LVRN: variants seen among roughly 807,000 people sequenced by gnomAD.
LVRN encodes the protein laeverin.
In LVRN, 99 loss-of-function variants were observed where a neutral mutation model predicts 111.4. The observed-to-expected ratio is 0.89, with a 90% CI of 0.76 to 1.05. The LOEUF is 1.05. Ranked by LOEUF, LVRN falls within the 50% of genes least tolerant of loss-of-function variation. The pLI, the probability that LVRN is intolerant of heterozygous loss-of-function variation, is 0.00. For synonymous variants in LVRN, 488 were observed against 449.5 expected (o/e 1.09, Z -1.08); for missense variants, 1,414 against 1,206.8 (o/e 1.17, Z -2.54).
rs367917243 is a variant in LVRN, at chr5:115,969,911, G to T, written c.695+6599G>T. 6.0e-5 allele frequency among the ~76,000 whole-genome samples: 9 copies of T among 151,168 alleles called. No individual in the cohort carries two copies. The East Asian group carries it at 1.2e-3, about 19-fold the overall frequency. On this transcript the variant is annotated intron_variant, in intron 1 of 19. Coordinates refer to ENST00000357872, the MANE Select transcript of LVRN (RefSeq NM_173800.5). ...ATTTTTAATATCCTTGAGCATATTA[G>T]ACATATTTATAATAGCTGTTTTAAT...
intron 19 of LVRN, among the ~76,000 whole-genome samples, chr5:116,023,862 C>T (rs115761837): frequency 1.3e-5 from 2 of 152,098 alleles, no homozygotes; most frequent in African/African-American, 4.8e-5. Flanking sequence ...AGAAAACAGG[C>T]AGTTTTTTGA....
chr5:116,015,679 T>C lies in LVRN; in HGVS notation c.2670T>C (p.Asn890=). ...STSPFTSNET[N]IIEVVASSEV... ...CTCCATTCACTTCTAATGAAACAAA[T>C]ATAATTGAGGTTGTGGCTTCATCTG... Residue 890 remains asparagine, a synonymous_variant, in exon 18 of 20, where the codon AAT becomes AAC. Transcript: ENST00000357872. The C allele has an allele frequency of 1.2e-6, 2 of 1,613,346 alleles. No homozygotes were observed. The highest frequency in any genetic ancestry group is 1.1e-5 in the South Asian group (1 of 90,930).
chr5:116,012,401 A>G lies in LVRN; in HGVS notation c.2275A>G (p.Ile759Val), dbSNP rs144912058. The change falls in exon 15 of 20, where the codon ATA becomes GTA. Residue 759 changes from isoleucine to valine, a missense_variant. Physicochemically the swap from Ile to Val is conservative, Grantham distance 29 (BLOSUM62 3). Coordinates refer to ENST00000357872, the MANE Select transcript of LVRN (RefSeq NM_173800.5). ...KRYLLKRLNL[I>V]WNIYSTIIRE... Reference sequence around the variant, plus strand: ...GTACCTATTAAAGAGACTTAATTTAATATGGAATATTTATTCAACTATAAT... The same window carrying G: ...GTACCTATTAAAGAGACTTAATTTAGTATGGAATATTTATTCAACTATAAT... 3.9e-6 allele frequency: 6 copies of G among 1,523,916 alleles called. No homozygotes were observed. The African/African-American group carries it at 8.3e-5, about 21-fold the overall frequency. The allele number at this position is 1,523,916 out of a possible 1,614,324, so 94.4% of individuals were successfully genotyped here.
chr5:115,997,394 T>G (rs961754485), intron 6 of LVRN, among the ~76,000 whole-genome samples: 2 of 152,218 alleles, frequency 1.3e-5, no homozygotes, highest in Non-Finnish European at 2.9e-5. Flanking sequence ...CTATGTGTGG[T>G]GGCTCATGCC....
At chr5:115,991,132 A>T (rs1181287838) in intron 4 of LVRN, among the ~76,000 whole-genome samples, 2 of 152,136 alleles carry the variant, frequency 1.3e-5, no homozygotes, top group African/African-American at 4.8e-5. Context: ...AATGACCAGT[A>T]TTGACAATTA....
At chr5:115,970,187 A>G (rs1016826200) in intron 1 of LVRN, among the ~76,000 whole-genome samples, 4 of 152,184 alleles carry the variant, frequency 2.6e-5, no homozygotes, top group Admixed American at 2.0e-4. Flanking sequence ...AAACATATTC[A>G]TCACATCCAA....
chr5:116,007,791 C>T (rs766559819), intron 13 of LVRN, among the ~76,000 whole-genome samples: 18 of 152,218 alleles, frequency 1.2e-4, no homozygotes, highest in Non-Finnish European at 2.2e-4. Flanking sequence ...GCAGCATGTG[C>T]TCATGTTATG....
At chr5:116,002,148 G>A (rs1464475801) in intron 10 of LVRN, among the ~76,000 whole-genome samples, 3 of 152,206 alleles carry the variant, frequency 2.0e-5, no homozygotes, top group African/African-American at 2.4e-5. Flanking sequence ...TGGTTTTTGA[G>A]AAGACCTGTG....
chr5:116,007,486 T>C (rs1748399110), intron 13 of LVRN, among the ~76,000 whole-genome samples: 1 of 152,232 alleles, frequency 6.6e-6, no homozygotes. Context: ...TTCTCCTCCA[T>C]GAAGCCTTCC....
chr5:115,969,792 T>G (rs1170709964), intron 1 of LVRN, among the ~76,000 whole-genome samples: 1 of 108,154 alleles, frequency 9.2e-6, no homozygotes, highest in Non-Finnish European at 1.9e-5. Flanking sequence ...AGAGCGAGAC[T>G]CGATCTCAAA....
chr5:115,963,109 G>T lies in LVRN; in HGVS notation c.492G>T (p.Pro164=). 1 of 1,613,580 alleles carries T rather than the reference G, an allele frequency of 6.2e-7. No homozygotes were observed. Among genetic ancestry groups the T allele is most frequent in the South Asian group, 1.1e-5 (1 of 91,076 alleles). Residue 164 remains proline (P), a synonymous_variant, in exon 1 of 20, where the codon CCG becomes CCT. Coordinates refer to ENST00000357872, the MANE Select transcript of LVRN (RefSeq NM_173800.5). ...ERAEVRGPLS[P]GTGNATVGRV... is the part of the protein sequence containing the mutation. ...CCGAGGTGCGGGGACCCCTTTCCCC[G>T]GGCACTGGGAACGCCACAGTGGGCC...
chr5:116,009,388 C>T (rs1476782930), intron 13 of LVRN, among the ~76,000 whole-genome samples: 3 of 152,148 alleles, frequency 2.0e-5, no homozygotes, highest in Non-Finnish European at 4.4e-5. Flanking sequence ...AATATCAATT[C>T]TTCAGCCCAG....
intron 16 of LVRN, 77 bp downstream of exon 16, chr5:116,014,604 G>A: frequency 1.8e-6 from 2 of 1,121,770 alleles, no homozygotes; most frequent in Non-Finnish European, 2.6e-6. Flanking sequence ...TGTACTCACT[G>A]TGGGAATGAG....
Position 115,968,645 on chromosome 5 carries a change from C to G in LVRN, c.695+5333C>G, listed in dbSNP as rs80110431. 1.3e-3 allele frequency among the ~76,000 whole-genome samples: 193 copies of G among 152,204 alleles called. 1 individual carries two copies. In the East Asian group the frequency reaches 0.013, roughly 10 times the overall value. ...TTGCTGTATAGTAGAGGAGAGTGGA[C>G]AGTCCTTCTAATGCAGGGAGGAAGG... is the stretch of plus-strand genomic sequence containing the variant. On this transcript the variant is annotated intron_variant, in intron 1 of 19. Transcript: ENST00000357872.
At chr5:116,023,246 G>T (rs1198254433) in intron 19 of LVRN, 2 of 152,140 alleles carry the variant, frequency 1.3e-5, no homozygotes, top group Non-Finnish European at 2.9e-5. Context: ...ACCCCATGAG[G>T]CTATAATGAG....
chr5:115,982,325 C>G (rs192234028), intron 1 of LVRN, among the ~76,000 whole-genome samples: 143 of 152,212 alleles, frequency 9.4e-4, no homozygotes, highest in Middle Eastern at 6.8e-3. Flanking sequence ...GGCATATACT[C>G]TTGAGATATC....
chr5:116,001,020 G>A (rs767897971), intron 9 of LVRN, 47 bp from the exon 10 acceptor site: 4 of 1,543,770 alleles, frequency 2.6e-6, no homozygotes, highest in African/African-American at 2.8e-5. Context: ...ACTTCAAAAT[G>A]TTTCACGGAT....
chr5:115,988,192 C>G (rs1747912495), intron 4 of LVRN, among the ~76,000 whole-genome samples: 1 of 152,206 alleles, frequency 6.6e-6, no homozygotes, highest in African/African-American at 2.4e-5. Context: ...CCTGGCTACT[C>G]AATGGCAGCC....
intron 18 of LVRN, among the ~76,000 whole-genome samples, chr5:116,016,157 G>A (rs1326921680): frequency 6.6e-6 from 1 of 152,084 alleles, no homozygotes; most frequent in African/African-American, 2.4e-5. Context: ...TTTATATTCA[G>A]CAGTTTTGTT....
Sources: gnomAD v4.1 joint callset for allele counts (sites outside exome capture counted in the v4.1 genomes callset) on GRCh38, gnomAD v4.1.1 for gene constraint, MANE v1.5 for transcripts, NCBI Gene and HGNC (gene_info 2026-07-23, HGNC 2026-07-21) for gene names.